Variants in GPHN observed in about 807,000 individuals in gnomAD.
The protein encoded by GPHN is gephyrin.
A neutral mutation model predicts 95.5 loss-of-function variants in GPHN; 17 were observed. That is an observed-to-expected ratio of 0.18 (90% CI 0.12 to 0.27). GPHN has a LOEUF of 0.27. Ranked by LOEUF, GPHN falls within the 10% of genes least tolerant of loss-of-function variation. The pLI, the probability that GPHN is intolerant of heterozygous loss-of-function variation, is 1.00. For synonymous variants in GPHN, 320 were observed against 322.5 expected (o/e 0.99, Z 0.08); for missense variants, 660 against 978.1 (o/e 0.67, Z 4.34).
At chr14:66,997,331 C>T (rs1018818593) in intron 9 of GPHN, among the ~76,000 whole-genome samples, 2 of 146,354 alleles carry the variant, frequency 1.4e-5, no homozygotes, top group African/African-American at 5.2e-5. Flanking sequence ...CGTGCAATTG[C>T]ACTCTAGCCT....
At chr14:67,722,754 TG>T in the GPHN span, 3 of 1,489,870 alleles carry the variant, frequency 2.0e-6, no homozygotes. Context: ...TACAAAGACC[TG>T]CACTGGAAGC....
chr14:67,340,032 C>CAAA, the GPHN span: 183 of 71,668 alleles, frequency 2.6e-3, 5 homozygotes, highest in South Asian at 0.011. Context: ...CTCTGTCTCA[C>CAAA]AAAAAAAAAA....
the GPHN span, among the ~76,000 whole-genome samples, chr14:67,212,393 G>A: frequency 6.6e-6 from 1 of 151,570 alleles, no homozygotes; most frequent in African/African-American, 2.4e-5. Flanking sequence ...TTCGAGACCA[G>A]CCTGGGCAAC....
the GPHN span, among the ~76,000 whole-genome samples, chr14:67,214,667 A>T: frequency 6.6e-6 from 1 of 151,850 alleles, no homozygotes; most frequent in Non-Finnish European, 1.5e-5. Flanking sequence ...TTGGTTCCAT[A>T]TGAACTTTAA....
chr14:67,329,156 G>A, the GPHN span, among the ~76,000 whole-genome samples: 2 of 152,192 alleles, frequency 1.3e-5, no homozygotes, highest in African/African-American at 2.4e-5. Context: ...ACTTGGTTGA[G>A]CAGTGGTTTG....
chr14:66,757,641 C>T (rs752922737), intron 2 of GPHN, among the ~76,000 whole-genome samples: 1 of 152,182 alleles, frequency 6.6e-6, no homozygotes, highest in Non-Finnish European at 1.5e-5. Context: ...CTGCCCACCT[C>T]AGCCTCCCAA....
the GPHN span, chr14:67,561,994 G>T: frequency 6.2e-7 from 1 of 1,613,832 alleles, no homozygotes. Context: ...CATAATCAGC[G>T]CCTGGTGGAG....
chr14:66,819,628 C>T (rs2061112737), intron 3 of GPHN, among the ~76,000 whole-genome samples: 1 of 150,450 alleles, frequency 6.6e-6, no homozygotes, highest in Non-Finnish European at 1.5e-5. Flanking sequence ...TTGTTTTTTG[C>T]TTTTGTTTTT....
chr14:67,085,686 G>GTGTA (rs2076855917), intron 11 of GPHN, among the ~76,000 whole-genome samples: 1 of 152,110 alleles, frequency 6.6e-6, no homozygotes, highest in South Asian at 2.1e-4. Flanking sequence ...GTTGATGATG[G>GTGTA]TGTATGTAGT....
At chr14:67,203,831 C>T in the GPHN span, among the ~76,000 whole-genome samples, 47,269 of 152,076 alleles carry the variant, frequency 0.31, 11,276 homozygotes, top group African/African-American at 0.65. Flanking sequence ...CCTGTCTCAG[C>T]CTCCCGAGTA....
chr14:67,460,209 G>A, the GPHN span, among the ~76,000 whole-genome samples: 5 of 152,066 alleles, frequency 3.3e-5, no homozygotes, highest in Admixed American at 3.3e-4. Flanking sequence ...GTTATAACAG[G>A]GTCATGTCTC....
chr14:67,046,961 A>G (rs1038516617), intron 10 of GPHN, among the ~76,000 whole-genome samples: 1 of 152,114 alleles, frequency 6.6e-6, no homozygotes, highest in Admixed American at 6.6e-5. Context: ...CCATATTACT[A>G]TTACCTATCT....
chr14:67,064,395 T>C (rs2075958433), intron 11 of GPHN, among the ~76,000 whole-genome samples: 1 of 152,164 alleles, frequency 6.6e-6, no homozygotes, highest in African/African-American at 2.4e-5. Context: ...TAAAATTCTC[T>C]TTTTTTGTTG....
intron 19 of GPHN, among the ~76,000 whole-genome samples, chr14:67,160,393 C>T (rs1413690750): frequency 6.6e-6 from 1 of 151,998 alleles, no homozygotes; most frequent in Non-Finnish European, 1.5e-5. Context: ...TTCCTACTGG[C>T]CCCTAGGAGG....
intron 2 of GPHN, among the ~76,000 whole-genome samples, chr14:66,731,885 T>TGCTTCA (rs2071798226): frequency 1.3e-5 from 2 of 152,170 alleles, no homozygotes. Context: ...GTGTTCCAGC[T>TGCTTCA]GCTTCAGCTC....
chr14:66,693,775 G>A (rs2067941400), intron 2 of GPHN, among the ~76,000 whole-genome samples: 1 of 152,032 alleles, frequency 6.6e-6, no homozygotes, highest in South Asian at 2.1e-4. Context: ...AACCAGTCAA[G>A]GTGGCACCAA....
At chr14:67,347,500 C>G in the GPHN span, 71 of 1,301,054 alleles carry the variant, frequency 5.5e-5, 2 homozygotes, top group South Asian at 9.3e-4. Context: ...TTTAAGTTCT[C>G]TCTTTTTTTT....
the GPHN span, among the ~76,000 whole-genome samples, chr14:67,445,273 C>T: frequency 6.6e-6 from 1 of 151,958 alleles, no homozygotes; most frequent in African/African-American, 2.4e-5. Context: ...GTCAGCCAGG[C>T]AAAAGTGTGG....
the GPHN span, among the ~76,000 whole-genome samples, chr14:67,377,413 C>T: frequency 1.8e-4 from 28 of 152,258 alleles, no homozygotes; most frequent in South Asian, 8.3e-4. Context: ...AGCTTTTCCA[C>T]GTTCTTCCTC....
Sources: gnomAD v4.1 joint callset for allele counts (sites outside exome capture counted in the v4.1 genomes callset) on GRCh38, gnomAD v4.1.1 for gene constraint, MANE v1.5 for transcripts, NCBI Gene and HGNC (gene_info 2026-07-23, HGNC 2026-07-21) for gene names.